The following ZBTB10 variants were observed in gnomAD, a reference collection of about 807,000 sequenced individuals.
ZBTB10 encodes zinc finger and BTB domain-containing protein 10.
A neutral mutation model predicts 76.4 loss-of-function variants in ZBTB10; 32 were observed. The observed-to-expected ratio is 0.42, with a 90% CI of 0.32 to 0.56. The LOEUF (loss-of-function observed/expected upper bound fraction) is 0.56. Among genes scored for constraint, ZBTB10 ranks in the 20% least tolerant of loss-of-function variants. The probability of loss-of-function intolerance (pLI) is 0.14; values close to 1 mark genes in which losing one functional copy is unlikely to be tolerated. For synonymous variants in ZBTB10, 523 were observed against 432.9 expected (o/e 1.21, Z -2.58); for missense variants, 1,057 against 1,098.5 (o/e 0.96, Z 0.53).
chr8:80,486,481 C>A lies in ZBTB10; in HGVS notation c.-330C>A. 1 of 985,254 alleles carries A rather than the reference C, an allele frequency of 1.0e-6. No homozygotes were observed. Among genetic ancestry groups the A allele is most frequent in the Non-Finnish European group, 1.2e-6 (1 of 830,022 alleles). 61.0% of individuals were successfully genotyped at this position (985,254 alleles called of 1,614,324 possible). ...CACTCCGCTGCTCAACTTCGAAGGC[C>A]TCGCTCGCTGCAGGCTCGCTCCTCA... On this transcript the variant is annotated 5_prime_UTR_variant, in exon 1 of 6. Transcript: ENST00000455036.
At position 80,495,136 on chromosome 8, in the gene ZBTB10, T is replaced by TC. The variant is rs199776677; in HGVS notation, c.973-4358_973-4357insC. On this transcript the variant is annotated intron_variant, in intron 1 of 5. Coordinates refer to ENST00000455036, the MANE Select transcript of ZBTB10 (RefSeq NM_001105539.3). ...AAGGGGATTCAAATCTCTCTCTCTC[T>TC]TTTTTTTTTTTTTTAAGGAGATAGG... is the stretch of plus-strand genomic sequence containing the variant. 7.2e-3 allele frequency among the ~76,000 whole-genome samples: 628 copies of TC among 87,308 alleles called. 2 individuals carry two copies. Among genetic ancestry groups the TC allele is most frequent in the South Asian group, 0.026 (84 of 3,176 alleles). The allele number at this position is 87,308 out of a possible 152,430, so 57.3% of individuals were successfully genotyped here.
rs774265165 is a variant in ZBTB10, at chr8:80,525,186, T to C, written c.*5658T>C. 1.3e-5 allele frequency: 2 copies of C among 152,044 alleles called. No homozygotes were observed. The highest frequency in any genetic ancestry group is 2.9e-5 in the Non-Finnish European group (2 of 67,956). 9.4% of individuals were successfully genotyped at this position (152,044 alleles called of 1,614,324 possible). ...AGTGTTTGGGAGCAGGTGTAGGAAA[T>C]TGAATTATTGGATCTATGTTTAGGT... On this transcript the variant is annotated 3_prime_UTR_variant, in exon 6 of 6. Transcript: ENST00000455036.
upstream of ZBTB10, chr8:80,486,019 A>T: frequency 1.0e-6 from 1 of 980,476 alleles, no homozygotes; most frequent in Non-Finnish European, 1.4e-6. Context: ...TTTGTCCCCA[A>T]CCCCTCGGCC....
intron 3 of ZBTB10, among the ~76,000 whole-genome samples, chr8:80,517,303 T>C (rs1816348009): frequency 6.6e-6 from 1 of 152,162 alleles, no homozygotes; most frequent in African/African-American, 2.4e-5. Flanking sequence ...CTAGAGCTCA[T>C]GATTGATTGG....
rs1216369368 is a variant in ZBTB10 at position 80,499,589 on chromosome 8, A to C, written c.1068A>C (p.Glu356Asp). The C allele has an allele frequency of 6.2e-7, 1 of 1,613,990 alleles. No individual in the cohort carries two copies. Among genetic ancestry groups the C allele is most frequent in the East Asian group, 2.2e-5 (1 of 44,888 alleles). The change falls in exon 2 of 6, where the codon GAA becomes GAC. Residue 356 changes from glutamate to aspartate, a missense_variant. Physicochemically the swap from Glu to Asp is conservative, Grantham distance 45. Coordinates refer to ENST00000455036, the MANE Select transcript of ZBTB10 (RefSeq NM_001105539.3). ...YCYQLLRQLN[E>D]QRKKGILCDV... ...ATCAACTTCTGCGACAACTAAATGA[A>C]CAGAGAAAGAAAGGTATTCTTTGTG...
chr8:80,485,781 C>A (rs1815428911), upstream of ZBTB10: 3 of 1,534,518 alleles, frequency 2.0e-6, no homozygotes, highest in Non-Finnish European at 2.6e-6. Flanking sequence ...CCACCCTCAG[C>A]AAATGACAAG....
At position 80,486,339 on chromosome 8, in the gene ZBTB10, G is replaced by A. The variant is rs1815448004; in HGVS notation, c.-472G>A. ...GTTTAGCGTGCCTCTCACCCTCAGC[G>A]CCTGCGAAGCCGGCGGCGGCGTCGG... On this transcript the variant is annotated 5_prime_UTR_variant, in exon 1 of 6. Transcript: ENST00000455036. 1.0e-6 allele frequency: 1 copy of A among 989,400 alleles called. No individual in the cohort carries two copies. The highest frequency in any genetic ancestry group is 1.2e-6 in the Non-Finnish European group (1 of 832,954). The allele number at this position is 989,400 out of a possible 1,614,324, so 61.3% of individuals were successfully genotyped here.
intron 2 of ZBTB10, among the ~76,000 whole-genome samples, chr8:80,501,491 C>G (rs1013157270): frequency 6.6e-6 from 1 of 152,150 alleles, no homozygotes; most frequent in Admixed American, 6.5e-5. Flanking sequence ...TTTTTCACTT[C>G]AAAGCACTGT....
rs1816429500 is a variant in ZBTB10 at position 80,520,665 on chromosome 8, T to C, written c.*1137T>C. 1.3e-5 allele frequency: 2 copies of C among 151,924 alleles called. No individual in the cohort carries two copies. The highest frequency in any genetic ancestry group is 4.8e-5 in the African/African-American group (2 of 41,416). The allele number at this position is 151,924 out of a possible 1,614,324, so 9.4% of individuals were successfully genotyped here. ...ATTGTTTTGAAATTATGATCAATAC[T>C]TAATTTATTTTTTTCTGTCCTTGAA... On this transcript the variant is annotated 3_prime_UTR_variant, in exon 6 of 6. Coordinates refer to ENST00000455036, the MANE Select transcript of ZBTB10 (RefSeq NM_001105539.3).
intron 2 of ZBTB10, among the ~76,000 whole-genome samples, chr8:80,506,861 A>G (rs1390532622): frequency 1.3e-5 from 2 of 150,908 alleles, no homozygotes; most frequent in East Asian, 3.9e-4. Flanking sequence ...CCTCTTAGGC[A>G]TCCTATGGAG....
intron 2 of ZBTB10, among the ~76,000 whole-genome samples, chr8:80,513,047 T>C (rs565271937): frequency 7.2e-5 from 11 of 152,194 alleles, no homozygotes; most frequent in Non-Finnish European, 1.5e-4. Flanking sequence ...ACTCATTAAA[T>C]GTTAGGATTA....
chr8:80,487,334 A>T lies in ZBTB10; in HGVS notation c.524A>T (p.Gln175Leu). The T allele has an allele frequency of 6.5e-7, 1 of 1,535,360 alleles. No homozygotes were observed. The highest frequency in any genetic ancestry group is 8.8e-7 in the Non-Finnish European group (1 of 1,138,402). Residue 175 changes from glutamine (Q) to leucine (L), a missense_variant, in exon 1 of 6, where the codon CAG (glutamine) becomes CTG (leucine). Physicochemically the swap from Gln to Leu is moderately radical, Grantham distance 113. Coordinates refer to ENST00000455036, the MANE Select transcript of ZBTB10 (RefSeq NM_001105539.3). ...GCGCTGGAGGGGAAGGAGTTGATGC[A>T]GGACGGCGCGTCCCTGAGCGACAGC... is the stretch of plus-strand genomic sequence containing the variant. ...LDALEGKELM[Q>L]DGASLSDSTE...
chr8:80,489,961 C>A (rs764783411), intron 1 of ZBTB10, among the ~76,000 whole-genome samples: 1 of 152,158 alleles, frequency 6.6e-6, no homozygotes, highest in Non-Finnish European at 1.5e-5. Flanking sequence ...CCAGGTACCA[C>A]CTATATAAAT....
intron 4 of ZBTB10, 81 bp from the exon 5 acceptor site, chr8:80,518,701 A>G: frequency 1.3e-6 from 2 of 1,490,710 alleles, no homozygotes; most frequent in Non-Finnish European, 1.8e-6. Context: ...TGCTGTTCTC[A>G]GAGATAGAGA....
In ZBTB10 at chr8:80,486,263, G is replaced by T; in HGVS notation, c.-548G>T. 1 of 1,020,702 alleles carries T rather than the reference G, an allele frequency of 9.8e-7. No individual in the cohort carries two copies. Among genetic ancestry groups the T allele is most frequent in the East Asian group, 1.0e-4 (1 of 9,670 alleles). The allele number at this position is 1,020,702 out of a possible 1,614,324, so 63.2% of individuals were successfully genotyped here. The stretch of plus-strand genomic sequence containing the variant: ...ACCTCCGCCAGGGCCTGGTCGGACG[G>T]AAACGCTCCGCCGGCTTTATTGTCG... On this transcript the variant is annotated 5_prime_UTR_variant, in exon 1 of 6. Transcript: ENST00000455036.
chr8:80,488,448 CAGATTTTTGTGCTG>C (rs1815540406), intron 1 of ZBTB10, among the ~76,000 whole-genome samples: 1 of 152,104 alleles, frequency 6.6e-6, no homozygotes, highest in Non-Finnish European at 1.5e-5. Flanking sequence ...TACTTTTACT[CAGATTTTTGTGCTG>C]AGATTTCTTT....
intron 1 of ZBTB10, among the ~76,000 whole-genome samples, chr8:80,498,212 C>T (rs1002182025): frequency 7.2e-5 from 11 of 152,150 alleles, no homozygotes; most frequent in African/African-American, 1.9e-4. Flanking sequence ...TTTGCAGTCT[C>T]GTCATCTCTA....
intron 3 of ZBTB10, among the ~76,000 whole-genome samples, chr8:80,514,758 C>T (rs1816285222): frequency 6.6e-6 from 1 of 151,182 alleles, no homozygotes; most frequent in Admixed American, 6.6e-5. Flanking sequence ...ATTGTCATAA[C>T]TAAGTGATTA....
rs1816494044 is a variant in ZBTB10 at position 80,523,647 on chromosome 8, T to C, written c.*4119T>C. The C allele has an allele frequency of 6.6e-6, 1 of 151,892 alleles. No homozygotes were observed. Among genetic ancestry groups the C allele is most frequent in the Admixed American group, 6.6e-5 (1 of 15,222 alleles). 9.4% of individuals were successfully genotyped at this position (151,892 alleles called of 1,614,324 possible). ...TTTTTTTTTCCTGCTGTATCTCTGC[T>C]TTCAACTGAAGTTAAAGAATTCTAG... On this transcript the variant is annotated 3_prime_UTR_variant, in exon 6 of 6. Coordinates refer to ENST00000455036, the MANE Select transcript of ZBTB10 (RefSeq NM_001105539.3).
Sources: allele counts gnomAD v4.1 joint callset (sites outside exome capture counted in the v4.1 genomes callset), GRCh38; gene constraint gnomAD v4.1.1; transcripts MANE v1.5; gene names NCBI Gene and HGNC (gene_info 2026-07-23, HGNC 2026-07-21).